SLC12A6: variants seen among roughly 807,000 people sequenced by gnomAD.
The protein encoded by SLC12A6 is K-Cl cotransporter 3.
Under a neutral mutation model 135.3 loss-of-function variants are expected in SLC12A6, and 66 were observed. The ratio of observed to expected loss-of-function variants is 0.49; its 90% CI spans 0.40 to 0.60. SLC12A6 has a LOEUF of 0.60. SLC12A6 is among the 20% of genes least tolerant of loss of function. SLC12A6 has a pLI of 0.00. For synonymous variants in SLC12A6, 513 were observed against 508.8 expected (o/e 1.01, Z -0.11); for missense variants, 1,058 against 1,452.3 (o/e 0.73, Z 4.41).
At chr15:34,268,406 G>T (rs139043378) in intron 3 of SLC12A6, among the ~76,000 whole-genome samples, 1 of 152,284 alleles carries the variant, frequency 6.6e-6, no homozygotes, top group African/African-American at 2.4e-5. Context: ...TGGTAGTGTT[G>T]TGCAATGGGA....
At chr15:34,250,188 A>T in intron 13 of SLC12A6, 110 bp downstream of exon 13, 1 of 794,486 alleles carries the variant, frequency 1.3e-6, no homozygotes, top group Non-Finnish European at 2.3e-6. Context: ...TACAGGCATG[A>T]GCCACGGTGC....
intron 5 of SLC12A6, among the ~76,000 whole-genome samples, chr15:34,258,206 A>G (rs2140751523): frequency 6.6e-6 from 1 of 152,324 alleles, no homozygotes; most frequent in East Asian, 1.9e-4. Context: ...GGCAAAATGA[A>G]GATCTGAGGG....
At chr15:34,262,839 A>C (rs1893244757) in intron 3 of SLC12A6, among the ~76,000 whole-genome samples, 1 of 152,148 alleles carries the variant, frequency 6.6e-6, no homozygotes, top group East Asian at 1.9e-4. Context: ...CCCTCCCACC[A>C]GTGCGCAATT....
At chr15:34,255,442 G>C (rs764942144) in intron 7 of SLC12A6, 50 bp from the exon 8 acceptor site, 1 of 1,354,282 alleles carries the variant, frequency 7.4e-7, no homozygotes, top group Non-Finnish European at 1.1e-6. Flanking sequence ...GTATTAGCAA[G>C]AGGAATATGA....
rs1367410003 is a variant in SLC12A6, at chr15:34,255,252, C to T, written c.876+10G>A. Reference sequence around the variant, plus strand: ...TCTATATTATAGACCACAATGAAGTCATTACTTACCAGAAAGATTTCAATG... The same window carrying T: ...TCTATATTATAGACCACAATGAAGTTATTACTTACCAGAAAGATTTCAATG... On this transcript the variant is annotated intron_variant, in intron 8 of 25. Coordinates refer to ENST00000354181, the MANE Select transcript of SLC12A6 (RefSeq NM_001365088.1). 2 of 1,586,878 alleles carry T rather than the reference C, an allele frequency of 1.3e-6. No individual in the cohort carries two copies. The highest frequency in any genetic ancestry group is 2.2e-5 in the South Asian group (2 of 90,474).
chr15:34,264,963 G>A (rs898700991), intron 3 of SLC12A6, among the ~76,000 whole-genome samples: 10 of 152,184 alleles, frequency 6.6e-5, no homozygotes, highest in African/African-American at 1.7e-4. Flanking sequence ...TTAGGAGGCC[G>A]AGGCGGGCGA....
intron 5 of SLC12A6, among the ~76,000 whole-genome samples, chr15:34,258,147 T>C (rs1892880376): frequency 6.6e-6 from 1 of 152,258 alleles, no homozygotes; most frequent in Admixed American, 6.5e-5. Context: ...ATGGAATTTC[T>C]TCAGAATTTG....
chr15:34,248,925 T>C (rs1892193554), intron 13 of SLC12A6, among the ~76,000 whole-genome samples: 1 of 152,130 alleles, frequency 6.6e-6, no homozygotes. Context: ...CAGACAAATG[T>C]GTTTATACGT....
chr15:34,238,505 G>A, intron 20 of SLC12A6, 104 bp from the exon 21 acceptor site: 1 of 861,094 alleles, frequency 1.2e-6, no homozygotes, highest in Non-Finnish European at 1.9e-6. Context: ...CTTTGAGCAA[G>A]GGGTCCTATT....
chr15:34,234,028 A>G (rs1295712209), intron 25 of SLC12A6, 56 bp from the exon 26 acceptor site: 1 of 861,494 alleles, frequency 1.2e-6, no homozygotes, highest in Non-Finnish European at 2.0e-6. Flanking sequence ...AAAACCTGGC[A>G]TCATCATAAT....
chr15:34,254,526 T>C lies in SLC12A6; in HGVS notation c.940A>G (p.Met314Val). 1.9e-6 allele frequency: 3 copies of C among 1,611,596 alleles called. No individual in the cohort carries two copies. Among genetic ancestry groups the C allele is most frequent in the Non-Finnish European group, 2.5e-6 (3 of 1,177,646 alleles). ...CCGTAGACACGCATGTTATTTAGCA[T>C]GGCTGCTGATTCCTTGAGTGCGTCA... ...SDDALKESAA[M>V]LNNMRVYGTA... Residue 314 changes from methionine to valine, a missense_variant, in exon 9 of 26, where the codon ATG becomes GTG. By Grantham distance (21) the Met-to-Val change is conservative. Coordinates refer to ENST00000354181, the MANE Select transcript of SLC12A6 (RefSeq NM_001365088.1).
At chr15:34,312,133 T>C (rs890109181) in intron 2 of SLC12A6, among the ~76,000 whole-genome samples, 4 of 152,200 alleles carry the variant, frequency 2.6e-5, no homozygotes, top group Non-Finnish European at 5.9e-5. Flanking sequence ...AAAGTAGTCC[T>C]TGAGAAGTTA....
chr15:34,266,991 C>G (rs1893568883), intron 3 of SLC12A6, among the ~76,000 whole-genome samples: 1 of 152,060 alleles, frequency 6.6e-6, no homozygotes, highest in Non-Finnish European at 1.5e-5. Context: ...CTCTATCTCT[C>G]CCACTCTTTG....
At position 34,235,245 on chromosome 15, in the gene SLC12A6, A is replaced by G; in HGVS notation, c.3297T>C (p.His1099=). Residue 1099 remains histidine, a synonymous_variant, in exon 25 of 26, where the codon CAT becomes CAC. Transcript: ENST00000354181. ...KLNEVIVNKS[H]EAKLVLLNMP... ...TATTCAATAAAACCAGCTTTGCTTC[A>G]TGGGACTTGTTAACTATAACCTCGT... is the stretch of plus-strand genomic sequence containing the variant. 1 of 1,613,566 alleles carries G rather than the reference A, an allele frequency of 6.2e-7. No individual in the cohort carries two copies. The highest frequency in any genetic ancestry group is 1.7e-5 in the Admixed American group (1 of 60,014).
intron 2 of SLC12A6, among the ~76,000 whole-genome samples, chr15:34,312,257 TG>T (rs1888309732): frequency 6.6e-6 from 1 of 152,214 alleles, no homozygotes; most frequent in Non-Finnish European, 1.5e-5. Context: ...CTGCCTTTGG[TG>T]GGGATCCTCC....
intron 17 of SLC12A6, among the ~76,000 whole-genome samples, chr15:34,241,845 G>T (rs1006824034): frequency 2.0e-5 from 3 of 152,080 alleles, no homozygotes; most frequent in Non-Finnish European, 4.4e-5. Flanking sequence ...CATTTGTGTT[G>T]TACTTTGTTT....
At chr15:34,245,147 G>A in intron 15 of SLC12A6, 138 bp downstream of exon 15, 1 of 703,402 alleles carries the variant, frequency 1.4e-6, no homozygotes, top group Non-Finnish European at 2.6e-6. Flanking sequence ...GAAGTTCTCA[G>A]GAATGATTTT....
intron 3 of SLC12A6, among the ~76,000 whole-genome samples, chr15:34,274,267 T>C (rs1894151289): frequency 1.3e-5 from 2 of 152,094 alleles, no homozygotes. Flanking sequence ...AATAGAACAG[T>C]CCATTTACTA....
At chr15:34,279,152 T>TA (rs1894499238) in intron 2 of SLC12A6, among the ~76,000 whole-genome samples, 1 of 151,532 alleles carries the variant, frequency 6.6e-6, no homozygotes, top group Admixed American at 6.6e-5. Flanking sequence ...CCATCTCTAC[T>TA]AAAAATACAA....
Sources: gnomAD v4.1 joint callset for allele counts (sites outside exome capture counted in the v4.1 genomes callset) on GRCh38, gnomAD v4.1.1 for gene constraint, MANE v1.5 for transcripts, NCBI Gene and HGNC (gene_info 2026-07-23, HGNC 2026-07-21) for gene names.